SORL1: variants seen among roughly 807,000 people sequenced by gnomAD.
SORL1 encodes sortilin related receptor 1.
Under a neutral mutation model 273.7 loss-of-function variants are expected in SORL1, and 127 were observed. The observed-to-expected ratio is 0.46, with a 90% CI of 0.40 to 0.54. SORL1 has a LOEUF of 0.54. Ranked by LOEUF, SORL1 falls within the 20% of genes least tolerant of loss-of-function variation. SORL1 has a pLI of 0.00. For synonymous variants in SORL1, 1,031 were observed against 1,067.4 expected, an observed-to-expected ratio of 0.97 and a Z score of 0.66; for missense variants, 2,494 against 2,846.1, an observed-to-expected ratio of 0.88 and a Z score of 2.81.
intron 1 of SORL1, among the ~76,000 whole-genome samples, chr11:121,465,354 T>C (rs1311036174): frequency 1.3e-5 from 2 of 152,280 alleles, no homozygotes; most frequent in South Asian, 2.1e-4. Context: ...CATCAGTATA[T>C]CCTAGAGTTT....
chr11:121,619,369 G>T (rs1181560266), intron 42 of SORL1, among the ~76,000 whole-genome samples: 3 of 152,120 alleles, frequency 2.0e-5, no homozygotes, highest in Admixed American at 2.0e-4. Context: ...AACTCTAAAT[G>T]TACTGATATG....
At position 121,554,416 on chromosome 11, in the gene SORL1, G is replaced by A. The variant is rs552626688; in HGVS notation, c.2439+307G>A. Among the ~76,000 whole-genome samples, 1 of 152,268 alleles carries A rather than the reference G, an allele frequency of 6.6e-6. No individual in the cohort carries two copies. The highest frequency in any genetic ancestry group is 6.5e-5 in the Admixed American group (1 of 15,298). ...TAGGATGATTAGTTGCCCCCCTATT[G>A]TGCCAACTGCCTCTTGAGCATCTTT... On this transcript the variant is annotated intron_variant, in intron 17 of 47. Transcript: ENST00000260197. The surrounding 1 kb of genome is among the most constrained non-coding windows in gnomAD (Gnocchi z 4.6).
At chr11:121,614,844 T>A in intron 40 of SORL1, 27 bp from the exon 41 acceptor site, 1 of 1,603,730 alleles carries the variant, frequency 6.2e-7, no homozygotes, top group Non-Finnish European at 8.5e-7. Context: ...AACTTCCTCC[T>A]GGAATCTCCT....
At chr11:121,539,394 A>C (rs1862312579) in intron 12 of SORL1, among the ~76,000 whole-genome samples, 1 of 152,238 alleles carries the variant, frequency 6.6e-6, no homozygotes, top group Non-Finnish European at 1.5e-5. Context: ...TTCTTCATTA[A>C]GGAAATAAAA....
At chr11:121,507,432 G>C (rs1300892725) in intron 6 of SORL1, among the ~76,000 whole-genome samples, 1 of 152,076 alleles carries the variant, frequency 6.6e-6, no homozygotes, top group Non-Finnish European at 1.5e-5. Context: ...GGTGTTTCCT[G>C]GGTCTTTTAG....
chr11:121,609,724 G>C (rs1042610300), intron 38 of SORL1: 1 of 152,180 alleles, frequency 6.6e-6, no homozygotes, highest in South Asian at 2.1e-4. Flanking sequence ...AGCCAGACGC[G>C]CCAGGTTAAT....
Position 121,631,997 on chromosome 11 carries a change from CA to C in SORL1, c.*2437del, listed in dbSNP as rs1318827278. On this transcript the variant is annotated 3_prime_UTR_variant, in exon 48 of 48. Coordinates refer to ENST00000260197, the MANE Select transcript of SORL1 (RefSeq NM_003105.6). ...TTGGAGTGCCAATAGAAAATGAAAACAAATGCCTTGTACTACAGGCAGCCTC... is the reference window on the plus strand; with the variant it reads ...TTGGAGTGCCAATAGAAAATGAAAACAATGCCTTGTACTACAGGCAGCCTC... 3 of 152,130 alleles carry C rather than the reference CA, an allele frequency of 2.0e-5. No individual in the cohort carries two copies. The highest frequency in any genetic ancestry group is 4.4e-5 in the Non-Finnish European group (3 of 68,024). The allele number at this position is 152,130 out of a possible 1,614,324, so 9.4% of individuals were successfully genotyped here. A position where few individuals can be genotyped will look rare whatever the true frequency, so the allele number is the denominator to read the frequency against.
intron 47 of SORL1, 39 bp from the exon 48 acceptor site, chr11:121,629,457 G>A: frequency 2.9e-6 from 3 of 1,038,580 alleles, no homozygotes; most frequent in Middle Eastern, 2.0e-4. Context: ...AGGTGAAAAT[G>A]TGTTGGAACT....
At chr11:121,470,149 C>A (rs762540405) in intron 2 of SORL1, 26 bp downstream of exon 2, 1 of 1,478,528 alleles carries the variant, frequency 6.8e-7, no homozygotes, top group South Asian at 1.1e-5. Flanking sequence ...GCTCTGGGCA[C>A]ACCTTGGTGC....
Position 121,545,244 on chromosome 11 carries a change from A to G in SORL1, c.1866A>G (p.Gly622=). The G allele has an allele frequency of 3.7e-6, 6 of 1,613,996 alleles. No homozygotes were observed. The highest frequency in any genetic ancestry group is 5.1e-6 in the Non-Finnish European group (6 of 1,179,910). ...CGTGCTGTGTTCCTTTTTCTTTAGG[A>G]GTTCCCTGCACAGAGAATGACTACA... ...ILQVNATDAL[G]VPCTENDYKL... is the part of the protein sequence containing the mutation. Residue 622 remains glycine, a splice_region_variant and synonymous_variant, in exon 14 of 48, where the codon GGA becomes GGG. Coordinates refer to ENST00000260197, the MANE Select transcript of SORL1 (RefSeq NM_003105.6).
chr11:121,517,204 A>T (rs1196163238), intron 8 of SORL1, among the ~76,000 whole-genome samples: 1 of 151,416 alleles, frequency 6.6e-6, no homozygotes, highest in Non-Finnish European at 1.5e-5. Flanking sequence ...CCAAAAGAGA[A>T]CCCCATGCCC....
rs1034627068 is a variant in SORL1 at position 121,514,286 on chromosome 11, C to G, written c.1176C>G (p.Tyr392Ter). The G allele has an allele frequency of 6.2e-7, 1 of 1,614,208 alleles. No homozygotes were observed. Among genetic ancestry groups the G allele is most frequent in the South Asian group, 1.1e-5 (1 of 91,088 alleles). ...TGTCCTTGGAGAACGTGCTCTATTA[C>G]AGCCCAGGAGGGGCCGGCAGTGACA... ...FSLSLENVLYYSPGGAGSDTL... is the reference protein window; with the variant it reads ...FSLSLENVLY The change falls in exon 8 of 48, where the codon TAC becomes TAG. Residue 392 changes from tyrosine (Y) to a stop codon, truncating the protein, a stop_gained. Transcript: ENST00000260197. LOFTEE classifies it high-confidence loss of function.
intron 8 of SORL1, among the ~76,000 whole-genome samples, chr11:121,518,951 CT>C (rs60120156): frequency 0.11 from 15,002 of 138,520 alleles, 812 homozygotes; most frequent in African/African-American, 0.17. Context: ...TTTTCTTTTT[CT>C]TTTTTTTTTT....
intron 30 of SORL1, 170 bp downstream of exon 30, chr11:121,590,344 G>A: frequency 1.6e-6 from 1 of 637,076 alleles, no homozygotes; most frequent in East Asian, 2.8e-5. Context: ...AATAAGTGTG[G>A]TTGGTTTCTC....
intron 3 of SORL1, among the ~76,000 whole-genome samples, chr11:121,484,528 C>G (rs1861443719): frequency 1.3e-5 from 2 of 152,052 alleles, no homozygotes; most frequent in Non-Finnish European, 2.9e-5. Flanking sequence ...GGAGTAAAAA[C>G]CCATCTCTGC....
intron 3 of SORL1, among the ~76,000 whole-genome samples, chr11:121,486,503 G>A (rs542020891): frequency 6.6e-4 from 96 of 146,174 alleles, no homozygotes; most frequent in African/African-American, 2.2e-3. Context: ...TTTTTGAGAC[G>A]GAGTCTCACT....
chr11:121,456,525 G>T (rs1327793617), intron 1 of SORL1, among the ~76,000 whole-genome samples: 1 of 152,194 alleles, frequency 6.6e-6, no homozygotes, highest in Non-Finnish European at 1.5e-5. Flanking sequence ...TGGCTCATTC[G>T]GTAGTGAGGA....
At chr11:121,617,441 G>T (rs1298963240) in intron 41 of SORL1, among the ~76,000 whole-genome samples, 1 of 152,144 alleles carries the variant, frequency 6.6e-6, no homozygotes, top group Non-Finnish European at 1.5e-5. Flanking sequence ...GAGAATTTAT[G>T]GTTTGTAGGA....
At position 121,558,779 on chromosome 11, in the gene SORL1, A is replaced by T; in HGVS notation, c.2852A>T (p.Gln951Leu). 1 of 1,614,190 alleles carries T rather than the reference A, an allele frequency of 6.2e-7. No individual in the cohort carries two copies. The highest frequency in any genetic ancestry group is 8.5e-7 in the Non-Finnish European group (1 of 1,180,032). Reference sequence around the variant, plus strand: ...ATAGAGCGGATCACGTTCAGTGGCCAGCAGCGCTCTGTCATTCTGGACAAC... The same window carrying T: ...ATAGAGCGGATCACGTTCAGTGGCCTGCAGCGCTCTGTCATTCTGGACAAC... The part of the protein sequence containing the change: ...ECIERITFSG[Q>L]QRSVILDNLP... The change falls in exon 20 of 48, where the codon CAG becomes CTG. Residue 951 changes from glutamine to leucine, a missense_variant. Transcript: ENST00000260197.
Sources: allele counts gnomAD v4.1 joint callset (sites outside exome capture counted in the v4.1 genomes callset), GRCh38; gene constraint gnomAD v4.1.1; non-coding constraint Gnocchi (gnomAD v3.1); transcripts MANE v1.5; gene names NCBI Gene and HGNC (gene_info 2026-07-23, HGNC 2026-07-21).